MGST1: variants seen among roughly 807,000 people sequenced by gnomAD.
MGST1 encodes microsomal glutathione S-transferase 1.
MGST1 carries 5 observed loss-of-function variants against 8.9 expected under a neutral mutation model. The observed-to-expected ratio is 0.56, with a 90% CI of 0.29 to 1.19. The LOEUF (loss-of-function observed/expected upper bound fraction) is 1.19. Among genes scored for constraint, MGST1 ranks in the 50% most tolerant of loss-of-function variants. The probability of loss-of-function intolerance (pLI) is 0.08; values close to 1 mark genes in which losing one functional copy is unlikely to be tolerated. For synonymous variants in MGST1, 54 were observed against 67.8 expected, an observed-to-expected ratio of 0.80 and a Z score of 1.00; for missense variants, 182 against 187.4, an observed-to-expected ratio of 0.97 and a Z score of 0.17.
At chr12:16,474,262 G>GA (rs1565461154) in intron 4 of MGST1, among the ~76,000 whole-genome samples, 1 of 152,114 alleles carries the variant, frequency 6.6e-6, no homozygotes, top group East Asian at 1.9e-4. Flanking sequence ...AAAATGTCAC[G>GA]AAATTGACAG....
chr12:16,434,266 G>A (rs998897517), intron 1 of MGST1, among the ~76,000 whole-genome samples: 18 of 152,192 alleles, frequency 1.2e-4, no homozygotes, highest in East Asian at 3.9e-4. Flanking sequence ...CTATGCAAAT[G>A]AGAAAGAAAT....
intron 4 of MGST1, among the ~76,000 whole-genome samples, chr12:16,565,209 AT>A (rs903973635): frequency 6.6e-6 from 1 of 152,232 alleles, no homozygotes; most frequent in Non-Finnish European, 1.5e-5. Flanking sequence ...AGACTATGAA[AT>A]TGCAATCAAT....
chr12:16,437,624 T>C (rs1289851550), exon 2 of MGST1: 1 of 152,086 alleles, frequency 6.6e-6, no homozygotes, highest in African/African-American at 2.4e-5. Flanking sequence ...CTTCTCTCCT[T>C]GTCCAGGGCG....
Position 16,425,357 on chromosome 12 carries a change from A to G in MGST1, n.779-12031A>G, listed in dbSNP as rs563386648. Among the ~76,000 whole-genome samples the G allele has an allele frequency of 2.0e-5, 3 of 152,266 alleles. No homozygotes were observed. The East Asian group carries it at 5.8e-4, about 29-fold the overall frequency. ...GAGTGCAATGGCATGATCTCGGCTCACTGCAGCCTCCACCTCCTGGGCTCA... is the reference window on the plus strand; with the variant it reads ...GAGTGCAATGGCATGATCTCGGCTCGCTGCAGCCTCCACCTCCTGGGCTCA... On this transcript the variant is annotated intron_variant and non_coding_transcript_variant, in intron 1 of 1. Transcript: ENST00000359720.
chr12:16,512,067 T>C lies in MGST1; in HGVS notation n.483-77461T>C, dbSNP rs539427587. Among the ~76,000 whole-genome samples the C allele has an allele frequency of 3.3e-5, 5 of 152,352 alleles. 1 individual carries two copies. The South Asian group carries it at 1.0e-3, about 32-fold the overall frequency. On this transcript the variant is annotated intron_variant and non_coding_transcript_variant, in intron 4 of 4. Coordinates refer to the MGST1 transcript ENST00000538857. ...TCTTGAGTTTCAGGTCAAAGTTTATTTTTTAAAAAAGAGAATAATCTACAA... is the reference window on the plus strand; with the variant it reads ...TCTTGAGTTTCAGGTCAAAGTTTATCTTTTAAAAAAGAGAATAATCTACAA...
chr12:16,460,174 G>GA (rs1281018530), intron 4 of MGST1, among the ~76,000 whole-genome samples: 1 of 152,158 alleles, frequency 6.6e-6, no homozygotes, highest in African/African-American at 2.4e-5. Context: ...AGTGTCATAT[G>GA]TCTGGATAGC....
intron 1 of MGST1, among the ~76,000 whole-genome samples, chr12:16,414,971 C>G (rs1028721304): frequency 4.6e-5 from 7 of 152,032 alleles, no homozygotes; most frequent in Non-Finnish European, 7.4e-5. Context: ...TTGCAGTGAG[C>G]CAAGATCGCA....
Position 16,458,004 on chromosome 12 carries a change from G to A in MGST1, n.482+74400G>A, listed in dbSNP as rs978765968. On this transcript the variant is annotated intron_variant and non_coding_transcript_variant, in intron 4 of 4. Coordinates refer to the MGST1 transcript ENST00000538857. This position sits in a 1 kb window ranked among gnomAD's most constrained non-coding sequence, Gnocchi z 4.0. Reference sequence around the variant, plus strand: ...CCAATATCACTTAATTTTTCCCTAGGAAAGCTTTTGCTTGCCCTAGCAATA... The same window carrying A: ...CCAATATCACTTAATTTTTCCCTAGAAAAGCTTTTGCTTGCCCTAGCAATA... 1.3e-5 allele frequency among the ~76,000 whole-genome samples: 2 copies of A among 151,840 alleles called. No homozygotes were observed. Among genetic ancestry groups the A allele is most frequent in the Non-Finnish European group, 2.9e-5 (2 of 67,918 alleles).
At chr12:16,351,481 C>A (rs146554202) in intron 1 of MGST1, among the ~76,000 whole-genome samples, 1 of 152,172 alleles carries the variant, frequency 6.6e-6, no homozygotes, top group African/African-American at 2.4e-5. Flanking sequence ...TTCTGTTTGC[C>A]TAAATCCAAG....
rs1040139894 is a variant in MGST1, at chr12:16,544,607, A to G, written n.483-44921A>G. Among the ~76,000 whole-genome samples the G allele has an allele frequency of 5.3e-5, 8 of 152,104 alleles. No individual in the cohort carries two copies. The highest frequency in any genetic ancestry group is 1.7e-4 in the African/African-American group (7 of 41,440). ...GAAGTGGTCCAGTAATTTGTGTGAG[A>G]AAAAGAATTAGCCAAATATCTAACA... On this transcript the variant is annotated intron_variant and non_coding_transcript_variant, in intron 4 of 4. Transcript: ENST00000538857. The surrounding 1 kb of genome is among the most constrained non-coding windows in gnomAD (Gnocchi z 4.8).
At chr12:16,372,569 C>T (rs1028639926) in intron 3 of MGST1, among the ~76,000 whole-genome samples, 2 of 152,068 alleles carry the variant, frequency 1.3e-5, no homozygotes, top group African/African-American at 4.8e-5. Context: ...CCCTCTTACA[C>T]TGTTGGTGGG....
At chr12:16,574,097 C>T (rs1942917259) in intron 4 of MGST1, among the ~76,000 whole-genome samples, 1 of 152,032 alleles carries the variant, frequency 6.6e-6, no homozygotes, top group Non-Finnish European at 1.5e-5. Context: ...GGAAAACCAA[C>T]CTTCCTCCAC....
At chr12:16,437,311 C>G (rs1286903578) in intron 1 of MGST1, 3 of 151,884 alleles carry the variant, frequency 2.0e-5, no homozygotes, top group Non-Finnish European at 4.4e-5. Context: ...GGTTAATTGT[C>G]AAAAAGGAGA....
At chr12:16,506,581 T>C (rs12809760) in intron 4 of MGST1, among the ~76,000 whole-genome samples, 44,903 of 151,976 alleles carry the variant, frequency 0.3, 7,669 homozygotes, top group Non-Finnish European at 0.38. Flanking sequence ...GGTATAGAGC[T>C]GAGGTCATCA....
chr12:16,433,984 G>A (rs1940962179), intron 1 of MGST1, among the ~76,000 whole-genome samples: 1 of 151,826 alleles, frequency 6.6e-6, no homozygotes, highest in Non-Finnish European at 1.5e-5. Context: ...CTTGTGTATT[G>A]GAGAAAATTG....
Position 16,386,666 on chromosome 12 carries a change from A to G in MGST1, n.778+3062A>G, listed in dbSNP as rs575009979. Reference sequence around the variant, plus strand: ...TGACCAGTATGCCGCTCACTGTGTGAGTTTGCGAACACCCAAACTGTGTAC... The same window carrying G: ...TGACCAGTATGCCGCTCACTGTGTGGGTTTGCGAACACCCAAACTGTGTAC... On this transcript the variant is annotated intron_variant and non_coding_transcript_variant, in intron 1 of 1. Transcript: ENST00000359720. Among the ~76,000 whole-genome samples, 7 of 152,248 alleles carry G rather than the reference A, an allele frequency of 4.6e-5. No homozygotes were observed. In the East Asian group the frequency reaches 1.4e-3, roughly 29 times the overall value.
At chr12:16,357,477 C>T in intron 2 of MGST1, 128 bp from the exon 3 acceptor site, 1 of 705,818 alleles carries the variant, frequency 1.4e-6, no homozygotes, top group Non-Finnish European at 2.3e-6. Flanking sequence ...CTATGTTGCC[C>T]AGGCTGATCT....
downstream of MGST1, among the ~76,000 whole-genome samples, chr12:16,593,088 A>G (rs1018448999): frequency 3.3e-5 from 5 of 151,814 alleles, no homozygotes; most frequent in African/African-American, 1.2e-4. This position sits in a 1 kb window ranked among gnomAD's most constrained non-coding sequence, Gnocchi z 4.2. Context: ...CATTTTATGA[A>G]GTTCCATGCC....
intron 4 of MGST1, among the ~76,000 whole-genome samples, chr12:16,526,891 T>A (rs1340231271): frequency 6.6e-6 from 1 of 151,956 alleles, no homozygotes; most frequent in Non-Finnish European, 1.5e-5. Flanking sequence ...TATAAAATCA[T>A]GTTTTACTGT....
Sources: gnomAD v4.1 joint callset for allele counts (sites outside exome capture counted in the v4.1 genomes callset) on GRCh38, gnomAD v4.1.1 for gene constraint, Gnocchi (gnomAD v3.1) non-coding constraint, MANE v1.5 for transcripts, NCBI Gene and HGNC (gene_info 2026-07-23, HGNC 2026-07-21) for gene names.